PGCKA1: variants seen among roughly 807,000 people sequenced by gnomAD.
The protein encoded by PGCKA1 is PDCD10 and GCKIII kinases-associated protein 1.
the PGCKA1 span, chr4:37,590,348 T>C: frequency 2.5e-6 from 4 of 1,613,482 alleles, no homozygotes; most frequent in African/African-American, 5.3e-5. Flanking sequence ...GCCTGCGGTG[T>C]CAACGGCATC....
chr4:37,536,804 C>T, the PGCKA1 span, among the ~76,000 whole-genome samples: 1 of 152,222 alleles, frequency 6.6e-6, no homozygotes, highest in Admixed American at 6.5e-5. Flanking sequence ...TATTTGTTCT[C>T]TCTCTTGCTC....
chr4:37,569,302 A>G, the PGCKA1 span, among the ~76,000 whole-genome samples: 3 of 151,776 alleles, frequency 2.0e-5, no homozygotes, highest in African/African-American at 7.3e-5. Context: ...GGTTCAAGCA[A>G]TTCTCCTGCC....
At chr4:37,571,355 C>CATTTTTTTTTTTTTTTTTTTTTTTT in the PGCKA1 span, among the ~76,000 whole-genome samples, 1 of 78,036 alleles carries the variant, frequency 1.3e-5, no homozygotes, top group South Asian at 5.4e-4. Flanking sequence ...GACTATTATC[C>CATTTTTTTTTTTTTTTTTTTTTTTT]TTTTTTTTTT....
chr4:37,488,230 A>G, the PGCKA1 span, among the ~76,000 whole-genome samples: 1 of 152,158 alleles, frequency 6.6e-6, no homozygotes, highest in Non-Finnish European at 1.5e-5. Context: ...AAATGTATTT[A>G]TTTTCCATAT....
At chr4:37,563,804 T>C in the PGCKA1 span, among the ~76,000 whole-genome samples, 1 of 152,204 alleles carries the variant, frequency 6.6e-6, no homozygotes, top group Non-Finnish European at 1.5e-5. Flanking sequence ...TTTGTCCAAA[T>C]GCTTCAAGTT....
chr4:37,466,991 G>A, the PGCKA1 span, among the ~76,000 whole-genome samples: 17,171 of 152,140 alleles, frequency 0.11, 1,292 homozygotes, highest in East Asian at 0.34. Flanking sequence ...CCAGCTACTT[G>A]GGAGGCCGAG....
the PGCKA1 span, among the ~76,000 whole-genome samples, chr4:37,523,105 A>G: frequency 6.6e-6 from 1 of 152,338 alleles, no homozygotes; most frequent in African/African-American, 2.4e-5. Flanking sequence ...ACTGGGAGAC[A>G]CAGAGCACTT....
At chr4:37,468,964 A>G in the PGCKA1 span, among the ~76,000 whole-genome samples, 1 of 152,220 alleles carries the variant, frequency 6.6e-6, no homozygotes, top group Non-Finnish European at 1.5e-5. Context: ...ATATACAGTC[A>G]TGTACCTCAT....
chr4:37,519,327 C>T, the PGCKA1 span, among the ~76,000 whole-genome samples: 1 of 151,900 alleles, frequency 6.6e-6, no homozygotes, highest in African/African-American at 2.4e-5. Flanking sequence ...TATTTCGATA[C>T]AGATTACATT....
chr4:37,562,073 G>A, the PGCKA1 span, among the ~76,000 whole-genome samples: 1 of 152,196 alleles, frequency 6.6e-6, no homozygotes, highest in East Asian at 1.9e-4. Context: ...TCCATGAGAA[G>A]AAACCCATTT....
At chr4:37,568,320 T>C in the PGCKA1 span, among the ~76,000 whole-genome samples, 1 of 152,228 alleles carries the variant, frequency 6.6e-6, no homozygotes, top group Admixed American at 6.5e-5. Context: ...TTCTTTAAAA[T>C]GCAGGAACAC....
chr4:37,545,855 T>A, the PGCKA1 span, among the ~76,000 whole-genome samples: 17 of 152,354 alleles, frequency 1.1e-4, no homozygotes, highest in Non-Finnish European at 2.2e-4. Flanking sequence ...ATTCTAATAA[T>A]TCCTTCTTTT....
chr4:37,533,420 A>G, the PGCKA1 span, among the ~76,000 whole-genome samples: 31 of 152,326 alleles, frequency 2.0e-4, no homozygotes, highest in Non-Finnish European at 3.7e-4. Flanking sequence ...ATTGTCACGC[A>G]TATCGTTATA....
At chr4:37,513,752 A>T in the PGCKA1 span, among the ~76,000 whole-genome samples, 1 of 152,192 alleles carries the variant, frequency 6.6e-6, no homozygotes, top group East Asian at 1.9e-4. Flanking sequence ...AACAGTTTTG[A>T]TATAATGGTA....
chr4:37,553,726 A>T, the PGCKA1 span, among the ~76,000 whole-genome samples: 1 of 152,346 alleles, frequency 6.6e-6, no homozygotes, highest in African/African-American at 2.4e-5. Context: ...TTGTGTTATA[A>T]TATTATGCAT....
chr4:37,511,928 T>TC, the PGCKA1 span, among the ~76,000 whole-genome samples: 1 of 152,144 alleles, frequency 6.6e-6, no homozygotes, highest in Non-Finnish European at 1.5e-5. Flanking sequence ...GATGCACAAT[T>TC]CCCCTCTGGC....
chr4:37,509,159 C>T, the PGCKA1 span, among the ~76,000 whole-genome samples: 10 of 150,410 alleles, frequency 6.6e-5, no homozygotes, highest in Admixed American at 1.3e-4. Flanking sequence ...AAACTGCCAT[C>T]GTCATCATGG....
At chr4:37,482,564 G>T in the PGCKA1 span, among the ~76,000 whole-genome samples, 14 of 152,316 alleles carry the variant, frequency 9.2e-5, no homozygotes, top group African/African-American at 3.4e-4. Flanking sequence ...TTGCAGCCTG[G>T]TGATGCAATA....
the PGCKA1 span, among the ~76,000 whole-genome samples, chr4:37,576,294 T>C: frequency 1.3e-5 from 2 of 152,134 alleles, no homozygotes; most frequent in African/African-American, 4.8e-5. Flanking sequence ...AGTAGAGATC[T>C]TTCACTTTTT....
Sources: gnomAD v4.1 joint callset for allele counts (sites outside exome capture counted in the v4.1 genomes callset) on GRCh38, gnomAD v4.1.1 for gene constraint, MANE v1.5 for transcripts, NCBI Gene and HGNC (gene_info 2026-07-23, HGNC 2026-07-21) for gene names.